The following CDH13 variants were observed in gnomAD, a reference collection of about 807,000 sequenced individuals.
CDH13 encodes cadherin 13, also known as cadherin-13.
In CDH13, 24 loss-of-function variants were observed where a neutral mutation model predicts 63.8. That is an observed-to-expected ratio of 0.38 (90% CI 0.27 to 0.53). The LOEUF is 0.53. CDH13 is among the 20% of genes least tolerant of loss of function. CDH13 has a pLI of 0.85. For missense variants in CDH13, 1,049 were observed against 903.1 expected (o/e 1.16, Z -2.07); for synonymous variants, 503 against 355.3 (o/e 1.42, Z -4.67).
At chr16:83,741,390 C>G (rs760194868) in intron 10 of CDH13, among the ~76,000 whole-genome samples, 74 of 152,134 alleles carry the variant, frequency 4.9e-4, no homozygotes, top group Non-Finnish European at 9.3e-4. Context: ...TATCCTTCAG[C>G]AGGAATATAA....
At chr16:83,670,322 G>A (rs1320481080) in intron 8 of CDH13, among the ~76,000 whole-genome samples, 3 of 152,186 alleles carry the variant, frequency 2.0e-5, no homozygotes, top group African/African-American at 7.2e-5. Flanking sequence ...AAAATGGCTT[G>A]AACTCAATGA....
chr16:82,987,932 T>C (rs1414435127), intron 2 of CDH13, among the ~76,000 whole-genome samples: 1 of 152,208 alleles, frequency 6.6e-6, no homozygotes, highest in Non-Finnish European at 1.5e-5. Context: ...GAAGTGTTCA[T>C]CATGATCTGA....
chr16:83,191,512 C>CATATATATAT (rs1229589403), intron 4 of CDH13, among the ~76,000 whole-genome samples: 5 of 88,520 alleles, frequency 5.6e-5, no homozygotes, highest in South Asian at 8.0e-4. Flanking sequence ...TATACACACA[C>CATATATATAT]ACACACACAC....
chr16:83,528,389 G>A lies in CDH13; in HGVS notation c.960+41734G>A, dbSNP rs1403987912. Among the ~76,000 whole-genome samples the A allele has an allele frequency of 2.6e-5, 4 of 152,080 alleles. No homozygotes were observed. The South Asian group carries it at 6.2e-4, about 24-fold the overall frequency. ...TTTTCCATTAAGTCTTCTCCTTGGG[G>A]AAATCTCTTCCTCTGTTGCAGTTGG... On this transcript the variant is annotated intron_variant, in intron 7 of 13. Coordinates refer to ENST00000567109, the MANE Select transcript of CDH13 (RefSeq NM_001257.5).
At chr16:82,681,391 T>C (rs559077127) in intron 1 of CDH13, among the ~76,000 whole-genome samples, 3 of 152,212 alleles carry the variant, frequency 2.0e-5, no homozygotes, top group African/African-American at 7.2e-5. Flanking sequence ...GGATTTCCAT[T>C]TGGGGAGGTG....
chr16:83,409,023 G>T (rs999057205), intron 6 of CDH13, among the ~76,000 whole-genome samples: 1 of 152,092 alleles, frequency 6.6e-6, no homozygotes, highest in Non-Finnish European at 1.5e-5. Flanking sequence ...GTGGTTTATT[G>T]TTGGTTTCCA....
intron 6 of CDH13, among the ~76,000 whole-genome samples, chr16:83,359,102 A>G (rs558245505): frequency 6.6e-6 from 1 of 152,244 alleles, no homozygotes; most frequent in African/African-American, 2.4e-5. Context: ...CAGTGAATCA[A>G]GTTGAAGTGC....
At chr16:83,345,941 G>T (rs562138720) in intron 6 of CDH13, among the ~76,000 whole-genome samples, 3 of 152,180 alleles carry the variant, frequency 2.0e-5, no homozygotes, top group African/African-American at 7.2e-5. Flanking sequence ...GAATTGATGG[G>T]ATCTATCAGT....
At chr16:83,585,221 T>A (rs1178646713) in intron 7 of CDH13, among the ~76,000 whole-genome samples, 2 of 152,196 alleles carry the variant, frequency 1.3e-5, no homozygotes, top group African/African-American at 4.8e-5. Flanking sequence ...TGGGACCTCC[T>A]TCCACCTTCC....
intron 1 of CDH13, among the ~76,000 whole-genome samples, 200 bp downstream of exon 1, chr16:82,627,337 CGTGTGTGTGTGT>C (rs71146081): frequency 3.6e-4 from 47 of 131,182 alleles, no homozygotes; most frequent in East Asian, 1.1e-3. Flanking sequence ...CTCTGGCGTG[CGTGTGTGTGTGT>C]GTGTGTGTGT....
intron 5 of CDH13, among the ~76,000 whole-genome samples, chr16:83,287,291 A>T (rs558863360): frequency 6.6e-6 from 1 of 152,192 alleles, no homozygotes; most frequent in Admixed American, 6.5e-5. Flanking sequence ...CAAAACTTTC[A>T]TTCAGTAAGA....
At chr16:83,150,725 A>G (rs1453614734) in intron 4 of CDH13, among the ~76,000 whole-genome samples, 1 of 152,232 alleles carries the variant, frequency 6.6e-6, no homozygotes, top group East Asian at 1.9e-4. Flanking sequence ...GAATTAGACA[A>G]AAGTTCCCAT....
chr16:83,752,893 G>C (rs1344319519), intron 11 of CDH13, among the ~76,000 whole-genome samples: 1 of 152,192 alleles, frequency 6.6e-6, no homozygotes, highest in Non-Finnish European at 1.5e-5. Flanking sequence ...AATAGAGCCA[G>C]GAATGATCCT....
rs180854855 is a variant in CDH13 at position 83,010,346 on chromosome 16, C to A, written c.158-21664C>A. ...TTTTCAATGATCAGTTAATACCCCTCCCACCTGCATTAACTGTAAGAGAAA... is the reference window on the plus strand; with the variant it reads ...TTTTCAATGATCAGTTAATACCCCTACCACCTGCATTAACTGTAAGAGAAA... On this transcript the variant is annotated intron_variant, in intron 2 of 13. Transcript: ENST00000567109. 2.6e-5 allele frequency among the ~76,000 whole-genome samples: 4 copies of A among 152,126 alleles called. No homozygotes were observed. The East Asian group carries it at 7.7e-4, about 29-fold the overall frequency.
chr16:83,630,970 C>T (rs796729838), intron 8 of CDH13, among the ~76,000 whole-genome samples: 15 of 152,242 alleles, frequency 9.9e-5, no homozygotes, highest in African/African-American at 3.4e-4. Flanking sequence ...TAATATATGG[C>T]AAGCACAGTG....
chr16:82,936,043 A>T (rs763462563), intron 2 of CDH13, among the ~76,000 whole-genome samples: 1 of 152,066 alleles, frequency 6.6e-6, no homozygotes, highest in Non-Finnish European at 1.5e-5. Context: ...TGGTCACCCC[A>T]CCCTAATCTT....
At chr16:83,333,090 C>G (rs1016998487) in intron 5 of CDH13, among the ~76,000 whole-genome samples, 10 of 152,028 alleles carry the variant, frequency 6.6e-5, no homozygotes, top group African/African-American at 2.4e-4. Flanking sequence ...AACACCACAT[C>G]CAGTCTGTCA....
At chr16:82,642,150 C>A (rs182066940) in intron 1 of CDH13, among the ~76,000 whole-genome samples, 37 of 151,108 alleles carry the variant, frequency 2.4e-4, no homozygotes, top group African/African-American at 9.0e-4. Flanking sequence ...AGTCGGGGCC[C>A]ACTGCAGCCT....
rs547567300 is a variant in CDH13 at position 83,486,565 on chromosome 16, G to A, written c.870G>A (p.Thr290=). The A allele has an allele frequency of 9.3e-6, 15 of 1,613,832 alleles. No individual in the cohort carries two copies. The highest frequency in any genetic ancestry group is 1.2e-5 in the Non-Finnish European group (14 of 1,179,776). The change falls in exon 7 of 14, where the codon ACG becomes ACA. Residue 290 remains threonine, a synonymous_variant. Transcript: ENST00000567109. ...TGCGGTATAATATCCGTCAGCAGAC[G>A]CCTGACAAGCCATCTCCCAACATGT... ...ALLRYNIRQQ[T]PDKPSPNMFY...
Sources: gnomAD v4.1 joint callset for allele counts (sites outside exome capture counted in the v4.1 genomes callset) on GRCh38, gnomAD v4.1.1 for gene constraint, MANE v1.5 for transcripts, NCBI Gene and HGNC (gene_info 2026-07-23, HGNC 2026-07-21) for gene names.